Variants in CTNND2 observed in about 807,000 individuals in gnomAD.
The protein encoded by CTNND2 is catenin delta-2.
Under a neutral mutation model 144.4 loss-of-function variants are expected in CTNND2, and 22 were observed. That is an observed-to-expected ratio of 0.15 (90% confidence interval 0.11 to 0.22). The LOEUF (loss-of-function observed/expected upper bound fraction) is 0.22. CTNND2 is among the 10% of genes least tolerant of loss of function. The pLI is 1.00. For synonymous variants in CTNND2, 751 were observed against 695.6 expected, an observed-to-expected ratio of 1.08 and a Z score of -1.25; for missense variants, 1,353 against 1,618.8, an observed-to-expected ratio of 0.84 and a Z score of 2.82.
intron 2 of CTNND2, among the ~76,000 whole-genome samples, chr5:11,675,756 G>A (rs1410764278): frequency 6.6e-6 from 1 of 151,910 alleles, no homozygotes; most frequent in Non-Finnish European, 1.5e-5. Flanking sequence ...ATATATGTGT[G>A]TGTATATATG....
At chr5:11,104,443 A>G (rs1415028403) in intron 14 of CTNND2, among the ~76,000 whole-genome samples, 2 of 152,138 alleles carry the variant, frequency 1.3e-5, no homozygotes, top group African/African-American at 4.8e-5. Flanking sequence ...AAAAGCAACA[A>G]TAAAAACCCA....
At chr5:11,439,439 T>C (rs1165923211) in intron 3 of CTNND2, among the ~76,000 whole-genome samples, 2 of 152,178 alleles carry the variant, frequency 1.3e-5, no homozygotes, top group African/African-American at 4.8e-5. Context: ...CTTTCACTCC[T>C]TTAGTTTTCT....
intron 5 of CTNND2, among the ~76,000 whole-genome samples, chr5:11,401,200 A>G (rs1166768814): frequency 6.6e-6 from 1 of 152,130 alleles, no homozygotes; most frequent in Non-Finnish European, 1.5e-5. Context: ...ACACTATATA[A>G]CACAGACACA....
Position 11,163,302 on chromosome 5 carries a change from T to C in CTNND2, c.1976-3543A>G, listed in dbSNP as rs377216923. ...TCATGAGGATCCTCAGGCAGCCTTATAGAGAGACCAGCATGGCAACGAACT... is the reference window on the plus strand; with the variant it reads ...TCATGAGGATCCTCAGGCAGCCTTACAGAGAGACCAGCATGGCAACGAACT... On this transcript the variant is annotated intron_variant, in intron 11 of 21. Coordinates refer to ENST00000304623, the MANE Select transcript of CTNND2 (RefSeq NM_001332.4). 3.9e-5 allele frequency among the ~76,000 whole-genome samples: 6 copies of C among 152,312 alleles called. No homozygotes were observed. The South Asian group carries it at 6.2e-4, about 16-fold the overall frequency.
intron 1 of CTNND2, among the ~76,000 whole-genome samples, chr5:11,811,591 G>GTTTTATATTAC (rs1792337814): frequency 6.6e-6 from 1 of 152,102 alleles, no homozygotes; most frequent in Non-Finnish European, 1.5e-5. Context: ...TTTAGACAGG[G>GTTTTATATTAC]TCCAATGGAT....
intron 1 of CTNND2, among the ~76,000 whole-genome samples, chr5:11,827,969 C>A (rs1793687682): frequency 6.6e-6 from 1 of 152,152 alleles, no homozygotes; most frequent in South Asian, 2.1e-4. Flanking sequence ...ATTGCCAGAA[C>A]AGTACAGTCC....
intron 1 of CTNND2, among the ~76,000 whole-genome samples, chr5:11,876,129 C>G (rs902184267): frequency 1.3e-5 from 2 of 152,068 alleles, no homozygotes. Flanking sequence ...CATTCCCTAT[C>G]CATGGTCCCT....
intron 16 of CTNND2, among the ~76,000 whole-genome samples, chr5:11,051,794 C>T (rs1359723273): frequency 6.6e-6 from 1 of 152,124 alleles, no homozygotes; most frequent in Non-Finnish European, 1.5e-5. Flanking sequence ...TGGACTTAAT[C>T]AAAAGGCAAG....
intron 2 of CTNND2, among the ~76,000 whole-genome samples, chr5:11,726,350 A>C (rs1049963710): frequency 1.3e-4 from 20 of 152,234 alleles, no homozygotes; most frequent in Non-Finnish European, 2.4e-4. Flanking sequence ...AAATGTACAA[A>C]GAAGAATAAA....
chr5:11,289,090 C>T (rs1312044), intron 9 of CTNND2, among the ~76,000 whole-genome samples: 16 of 151,814 alleles, frequency 1.1e-4, no homozygotes, highest in Non-Finnish European at 2.4e-4. Flanking sequence ...TGCCATCCCC[C>T]CCGCCTGTGC....
chr5:11,512,997 CT>C (rs1162442342), intron 3 of CTNND2, among the ~76,000 whole-genome samples: 4 of 152,214 alleles, frequency 2.6e-5, no homozygotes, highest in African/African-American at 9.7e-5. Flanking sequence ...GCCCATACTC[CT>C]TTCCATATCT....
At chr5:11,669,472 C>T (rs892722540) in intron 2 of CTNND2, among the ~76,000 whole-genome samples, 1 of 152,154 alleles carries the variant, frequency 6.6e-6, no homozygotes. Context: ...GATTCGTTTT[C>T]TTCCTGGTTT....
At chr5:11,500,494 T>C (rs1770429671) in intron 3 of CTNND2, among the ~76,000 whole-genome samples, 1 of 152,210 alleles carries the variant, frequency 6.6e-6, no homozygotes, top group South Asian at 2.1e-4. Context: ...GATGTTGACT[T>C]CTAGCCAATT....
chr5:11,802,109 C>T (rs947610772), intron 1 of CTNND2, among the ~76,000 whole-genome samples: 1 of 151,956 alleles, frequency 6.6e-6, no homozygotes, highest in African/African-American at 2.4e-5. Flanking sequence ...CCCATCTCTA[C>T]TAAAAACACA....
intron 13 of CTNND2, 50 bp downstream of exon 13, chr5:11,117,400 G>A (rs368311149): frequency 3.8e-5 from 53 of 1,412,106 alleles, no homozygotes; most frequent in South Asian, 2.5e-4. Context: ...GTTGAGTCCC[G>A]TGGGAGTCTT....
intron 11 of CTNND2, among the ~76,000 whole-genome samples, chr5:11,188,620 A>C (rs542460824): frequency 3.6e-4 from 55 of 152,318 alleles, no homozygotes; most frequent in Middle Eastern, 3.4e-3. Flanking sequence ...AAATAAATAA[A>C]ATTTAAAAAT....
intron 1 of CTNND2, among the ~76,000 whole-genome samples, chr5:11,851,382 CAGG>C (rs1258831376): frequency 2.0e-5 from 3 of 152,142 alleles, no homozygotes; most frequent in Non-Finnish European, 4.4e-5. Context: ...CTCTACCTTT[CAGG>C]AGAAGAAAGG....
chr5:11,226,387 A>G (rs181312386), intron 10 of CTNND2, among the ~76,000 whole-genome samples: 45 of 152,290 alleles, frequency 3.0e-4, no homozygotes, highest in African/African-American at 1.0e-3. Context: ...CATAGCCCAC[A>G]TCACCATCTC....
intron 3 of CTNND2, among the ~76,000 whole-genome samples, chr5:11,458,400 C>G (rs554275677): frequency 2.0e-5 from 3 of 152,308 alleles, no homozygotes; most frequent in African/African-American, 7.2e-5. Flanking sequence ...CATGAGAAAA[C>G]TAGGAACATG....
Sources: allele counts gnomAD v4.1 joint callset (sites outside exome capture counted in the v4.1 genomes callset), GRCh38; gene constraint gnomAD v4.1.1; transcripts MANE v1.5; gene names NCBI Gene and HGNC (gene_info 2026-07-23, HGNC 2026-07-21).